Variants in SRGAP1 observed in about 807,000 individuals in gnomAD.
SRGAP1 encodes SLIT-ROBO Rho GTPase-activating protein 1.
A neutral mutation model predicts 121.9 loss-of-function variants in SRGAP1; 43 were observed. The ratio of observed to expected loss-of-function variants is 0.35; its 90% CI spans 0.28 to 0.46. The LOEUF (loss-of-function observed/expected upper bound fraction) is 0.46, where lower values mean the gene tolerates loss of function less well. Among genes scored for constraint, SRGAP1 ranks in the 20% least tolerant of loss-of-function variants. The probability of loss-of-function intolerance (pLI) is 1.00; values close to 1 mark genes in which losing one functional copy is unlikely to be tolerated. For synonymous variants in SRGAP1, 447 were observed against 485.4 expected, an observed-to-expected ratio of 0.92 and a Z score of 1.04; for missense variants, 1,102 against 1,350.9, an observed-to-expected ratio of 0.82 and a Z score of 2.89.
chr12:64,125,978 A>C lies in SRGAP1; in HGVS notation c.2226A>C (p.Glu742Asp). The C allele has an allele frequency of 6.2e-7, 1 of 1,613,812 alleles. No homozygotes were observed. Among genetic ancestry groups the C allele is most frequent in the Non-Finnish European group, 8.5e-7 (1 of 1,179,808 alleles). ...TGTTTTCTGGTGTGTTCGTTGTAGA[A>C]TGTGAGCCAATAGAAGCAATAGCCA... ...AGTEPHTSED[E>D]CEPIEAIAKF... Residue 742 changes from glutamate to aspartate, a missense_variant and splice_region_variant, in exon 19 of 22, where the codon GAA becomes GAC. Physicochemically the swap from Glu to Asp is conservative, Grantham distance 45. Transcript: ENST00000355086.
chr12:63,960,583 A>G (rs916467663), intron 1 of SRGAP1, among the ~76,000 whole-genome samples: 1 of 152,126 alleles, frequency 6.6e-6, no homozygotes, highest in Admixed American at 6.6e-5. Flanking sequence ...AGGCTGAATA[A>G]TGGCTCCCCC....
At chr12:64,060,543 C>G (rs2035432663) in intron 6 of SRGAP1, among the ~76,000 whole-genome samples, 1 of 152,102 alleles carries the variant, frequency 6.6e-6, no homozygotes, top group African/African-American at 2.4e-5. Flanking sequence ...CTGGTGATGC[C>G]ATTGCTGCTA....
At chr12:64,115,676 A>G (rs2036506498) in intron 17 of SRGAP1, 138 bp from the exon 18 acceptor site, 4 of 601,156 alleles carry the variant, frequency 6.7e-6, no homozygotes, top group Admixed American at 2.8e-5. Context: ...TAGGAGGATC[A>G]CTTGAGCCTG....
chr12:64,055,158 C>T (rs2035316665), intron 6 of SRGAP1, among the ~76,000 whole-genome samples: 1 of 149,758 alleles, frequency 6.7e-6, no homozygotes, highest in Non-Finnish European at 1.5e-5. Flanking sequence ...AGCAAAGTCT[C>T]AGGATACAAA....
At chr12:63,935,544 T>C (rs1447302103) in intron 1 of SRGAP1, among the ~76,000 whole-genome samples, 2 of 152,196 alleles carry the variant, frequency 1.3e-5, no homozygotes, top group African/African-American at 2.4e-5. Flanking sequence ...GTAGAATGGC[T>C]TCAATTATAA....
intron 15 of SRGAP1, among the ~76,000 whole-genome samples, chr12:64,106,814 T>C (rs1002634685): frequency 1.3e-5 from 2 of 152,218 alleles, no homozygotes; most frequent in Admixed American, 6.5e-5. Flanking sequence ...AACCCTAATC[T>C]GCCTTGTTCA....
intron 1 of SRGAP1, among the ~76,000 whole-genome samples, chr12:63,902,173 T>C (rs2029969114): frequency 6.6e-6 from 1 of 152,148 alleles, no homozygotes; most frequent in African/African-American, 2.4e-5. Context: ...TTTAAAAACA[T>C]TTTACAAAAG....
chr12:63,943,817 A>G (rs1055849037), intron 1 of SRGAP1, among the ~76,000 whole-genome samples: 1 of 152,208 alleles, frequency 6.6e-6, no homozygotes, highest in Non-Finnish European at 1.5e-5. Flanking sequence ...TTTTTTAGGC[A>G]TCAGCAGTAC....
At chr12:64,112,841 A>G (rs1403778050) in intron 17 of SRGAP1, among the ~76,000 whole-genome samples, 3 of 152,338 alleles carry the variant, frequency 2.0e-5, no homozygotes, top group African/African-American at 7.2e-5. Flanking sequence ...AAAAAAGTGG[A>G]TCTCATAGAG....
chr12:64,016,744 T>C (rs1036174160), intron 3 of SRGAP1, among the ~76,000 whole-genome samples: 1 of 152,148 alleles, frequency 6.6e-6, no homozygotes, highest in Non-Finnish European at 1.5e-5. Context: ...CGTTCACCCA[T>C]GGTTGTCACT....
chr12:64,053,028 A>C (rs1221335663), intron 6 of SRGAP1, among the ~76,000 whole-genome samples: 1 of 152,224 alleles, frequency 6.6e-6, no homozygotes, highest in Non-Finnish European at 1.5e-5. Context: ...ATTAAATTAT[A>C]GTTATAAATA....
At chr12:63,878,366 A>G (rs1900092090) in intron 1 of SRGAP1, among the ~76,000 whole-genome samples, 1 of 152,214 alleles carries the variant, frequency 6.6e-6, no homozygotes, top group Admixed American at 6.5e-5. Context: ...TATTCTAATA[A>G]AGTTCTCTTT....
In SRGAP1 at chr12:64,142,775, CTG is replaced by C; in HGVS notation, c.*104_*105del. The C allele has an allele frequency of 1.4e-6, 2 of 1,461,966 alleles. No individual in the cohort carries two copies. Among genetic ancestry groups the C allele is most frequent in the South Asian group, 1.4e-5 (1 of 71,002 alleles). 90.6% of individuals were successfully genotyped at this position (1,461,966 alleles called of 1,614,324 possible). ...ACTTTCCTTAGTTTTGTGCTTATAA[CTG>C]GAGATCTTTTGGCTTTTCTATGTTG... On this transcript the variant is annotated 3_prime_UTR_variant, in exon 22 of 22. Transcript: ENST00000355086.
intron 1 of SRGAP1, among the ~76,000 whole-genome samples, chr12:63,899,704 G>T (rs1280421752): frequency 6.6e-6 from 1 of 152,220 alleles, no homozygotes. Flanking sequence ...TACACATCCA[G>T]TTAGGTTACA....
In SRGAP1 at chr12:64,142,569, C is replaced by T. The variant is rs762542039; in HGVS notation, c.3155C>T (p.Pro1052Leu). The T allele has an allele frequency of 3.1e-6, 5 of 1,614,228 alleles. No individual in the cohort carries two copies. The South Asian group carries it at 3.3e-5, about 11-fold the overall frequency. ...VAPRMGVQLK[P>L]PALRPKPAVL... ...CCCAGAATGGGCGTGCAGCTGAAGC[C>T]TCCAGCCCTTAGGCCAAAACCTGCT... Residue 1052 changes from proline to leucine, a missense_variant, in exon 22 of 22, where the codon CCT (proline) becomes CTT (leucine). Physicochemically the swap from Pro to Leu is moderately conservative, Grantham distance 98. This residue lies in a region of SRGAP1 where 315 missense variants were observed against 343.1 expected (regional missense o/e 0.92). Transcript: ENST00000355086.
Position 64,152,583 on chromosome 12 carries a change from C to T in SRGAP1, c.*9911C>T, listed in dbSNP as rs2037129993. The stretch of plus-strand genomic sequence containing the variant: ...TTTCAGCCTTCCTGCTCACCACCTC[C>T]TCTTCGGAACCTTTAGTTTCAGCCA... On this transcript the variant is annotated 3_prime_UTR_variant, in exon 22 of 22. Transcript: ENST00000355086. 1 of 152,404 alleles carries T rather than the reference C, an allele frequency of 6.6e-6. No individual in the cohort carries two copies. The highest frequency in any genetic ancestry group is 1.9e-4 in the East Asian group (1 of 5,188). 9.4% of individuals were successfully genotyped at this position (152,404 alleles called of 1,614,324 possible).
At chr12:64,043,321 A>G in intron 5 of SRGAP1, 126 bp from the exon 6 acceptor site, 1 of 936,516 alleles carries the variant, frequency 1.1e-6, no homozygotes. Context: ...TTGGCAAAGG[A>G]CTTTCAGGGT....
At chr12:63,845,414 C>T (rs1454898219) in intron 1 of SRGAP1, among the ~76,000 whole-genome samples, 1 of 152,118 alleles carries the variant, frequency 6.6e-6, no homozygotes, top group Non-Finnish European at 1.5e-5. Context: ...TTAAATAGCT[C>T]CCTAAAAGCC....
chr12:63,935,422 T>C (rs141453059), intron 1 of SRGAP1, among the ~76,000 whole-genome samples: 88 of 152,340 alleles, frequency 5.8e-4, no homozygotes, highest in African/African-American at 2.0e-3. Context: ...ATAGAAACAC[T>C]GATTTACACA....
Sources: gnomAD v4.1 joint callset for allele counts (sites outside exome capture counted in the v4.1 genomes callset) on GRCh38, gnomAD v4.1.1 for gene constraint, gnomAD v4.1.1 regional missense constraint, MANE v1.5 for transcripts, NCBI Gene and HGNC (gene_info 2026-07-23, HGNC 2026-07-21) for gene names.